The following TBC1D23 variants were observed in gnomAD, a reference collection of about 807,000 sequenced individuals.
The protein encoded by TBC1D23 is TBC1 domain family member 23, also known as HCV non-structural protein 4A-transactivated protein 1.
Under a neutral mutation model 91.4 loss-of-function variants are expected in TBC1D23, and 55 were observed. That is an observed-to-expected ratio of 0.60 (90% CI 0.48 to 0.75). TBC1D23 has a LOEUF of 0.75. Among genes scored for constraint, TBC1D23 ranks in the 30% least tolerant of loss-of-function variants. TBC1D23 has a pLI of 0.00. For synonymous variants in TBC1D23, 289 were observed against 281.0 expected (o/e 1.03, Z -0.28); for missense variants, 725 against 836.1 (o/e 0.87, Z 1.64).
At chr3:100,321,219 A>C (rs1705852912) in intron 18 of TBC1D23, among the ~76,000 whole-genome samples, 1 of 152,284 alleles carries the variant, frequency 6.6e-6, no homozygotes, top group South Asian at 2.1e-4. Flanking sequence ...CCTTATTGTT[A>C]ATCTGTACCA....
chr3:100,305,482 GA>G (rs1417050303), intron 12 of TBC1D23, among the ~76,000 whole-genome samples: 2 of 152,046 alleles, frequency 1.3e-5, no homozygotes, highest in African/African-American at 4.8e-5. Flanking sequence ...TCTTACATTA[GA>G]AAAAGAGATA....
chr3:100,280,414 A>G (rs1328580248), intron 2 of TBC1D23, among the ~76,000 whole-genome samples: 1 of 152,172 alleles, frequency 6.6e-6, no homozygotes, highest in African/African-American at 2.4e-5. Flanking sequence ...CTATTCAGCT[A>G]TTCTACAGTT....
At chr3:100,272,884 C>G (rs1039176572) in intron 1 of TBC1D23, among the ~76,000 whole-genome samples, 2 of 150,040 alleles carry the variant, frequency 1.3e-5, no homozygotes, top group Non-Finnish European at 1.5e-5. Flanking sequence ...AGCCCTAAGG[C>G]GGTTTTCCCC....
chr3:100,287,599 C>T (rs754012664), intron 4 of TBC1D23, among the ~76,000 whole-genome samples: 2 of 152,078 alleles, frequency 1.3e-5, no homozygotes, highest in Non-Finnish European at 2.9e-5. Context: ...GGTAGTCATA[C>T]CAGTATGAAT....
At chr3:100,290,249 G>C (rs763837882) in intron 4 of TBC1D23, among the ~76,000 whole-genome samples, 3 of 152,156 alleles carry the variant, frequency 2.0e-5, no homozygotes, top group Non-Finnish European at 2.9e-5. Flanking sequence ...TTTTTTGGCA[G>C]AGAAGGAAGG....
At position 100,296,222 on chromosome 3, in the gene TBC1D23, C is replaced by A; in HGVS notation, c.823C>A (p.Leu275Ile). The A allele has an allele frequency of 6.2e-7, 1 of 1,608,872 alleles. No individual in the cohort carries two copies. The highest frequency in any genetic ancestry group is 1.1e-5 in the South Asian group (1 of 89,982). Reference protein sequence around the residue: ...SSLNIEDIEDLFSLAQYYCSK... With the variant: ...SSLNIEDIEDIFSLAQYYCSK... ...TCTGAATATAGAAGATATAGAAGAC[C>A]TTTTCTCTCTGGCTCAGTATTATTG... The change falls in exon 8 of 19, where the codon CTT becomes ATT. Residue 275 changes from leucine to isoleucine, a missense_variant. Transcript: ENST00000394144.
At chr3:100,310,028 A>T (rs979256011) in intron 13 of TBC1D23, among the ~76,000 whole-genome samples, 5 of 152,204 alleles carry the variant, frequency 3.3e-5, no homozygotes, top group South Asian at 2.1e-4. Context: ...ACTGTTCTGG[A>T]GGCTAAAAGT....
At chr3:100,306,183 A>G (rs560231340) in intron 12 of TBC1D23, among the ~76,000 whole-genome samples, 1 of 152,342 alleles carries the variant, frequency 6.6e-6, no homozygotes, top group South Asian at 2.1e-4. Context: ...TAAAGCCTAT[A>G]CAGTTATCAT....
Position 100,302,199 on chromosome 3 carries a change from G to C in TBC1D23, c.1225G>C (p.Asp409His). The change falls in exon 11 of 19, where the codon GAC (aspartate) becomes CAC (histidine). Residue 409 changes from aspartate (D) to histidine (H), a missense_variant. Coordinates refer to ENST00000394144, the MANE Select transcript of TBC1D23 (RefSeq NM_001199198.3). Reference sequence around the variant, plus strand: ...TATGGGCAGTGGCAGGGAGGAAGAAGACATGTATATGAACATGGTCCTGGC... The same window carrying C: ...TATGGGCAGTGGCAGGGAGGAAGAACACATGTATATGAACATGGTCCTGGC... The part of the protein sequence containing the change: ...CFMGSGREEE[D>H]MYMNMVLAHF... 3.1e-6 allele frequency: 5 copies of C among 1,614,016 alleles called. No homozygotes were observed. The highest frequency in any genetic ancestry group is 4.2e-6 in the Non-Finnish European group (5 of 1,179,960).
intron 1 of TBC1D23, among the ~76,000 whole-genome samples, chr3:100,272,296 G>A (rs552683226): frequency 6.6e-6 from 1 of 152,156 alleles, no homozygotes; most frequent in Non-Finnish European, 1.5e-5. Context: ...ATTCTGTAAA[G>A]TATCCTTTCT....
rs138729492 is a variant in TBC1D23, at chr3:100,313,190, A to G, written c.1598+1313A>G. Among the ~76,000 whole-genome samples, 712 of 152,252 alleles carry G rather than the reference A, an allele frequency of 4.7e-3. 2 individuals are homozygous for G. Among genetic ancestry groups the G allele is most frequent in the Non-Finnish European group, 6.4e-3 (432 of 68,010 alleles). On this transcript the variant is annotated intron_variant, in intron 15 of 18. Coordinates refer to ENST00000394144, the MANE Select transcript of TBC1D23 (RefSeq NM_001199198.3). The stretch of plus-strand genomic sequence containing the variant: ...GTTTTAAAATTACAATCTATTTGTG[A>G]ATCATCCTTTCCATTTTCTTCTGTT...
Position 100,295,341 on chromosome 3 carries a change from A to C in TBC1D23, c.765A>C (p.Glu255Asp). The C allele has an allele frequency of 6.2e-7, 1 of 1,608,012 alleles. No homozygotes were observed. Residue 255 changes from glutamate to aspartate, a missense_variant, in exon 7 of 19, where the codon GAA becomes GAC. Coordinates refer to ENST00000394144, the MANE Select transcript of TBC1D23 (RefSeq NM_001199198.3). The stretch of plus-strand genomic sequence containing the variant: ...CACAAGAGTCAGACAGCAAAGAAGA[A>C]GTTATCAGTAAGTATCATTTAATGT... ...ILTQESDSKE[E>D]VIKFLENTPS...
At chr3:100,278,857 T>C (rs1223901965) in intron 1 of TBC1D23, among the ~76,000 whole-genome samples, 1 of 152,258 alleles carries the variant, frequency 6.6e-6, no homozygotes, top group Non-Finnish European at 1.5e-5. Flanking sequence ...TGTGATATTA[T>C]TCTTTTGCTT....
rs770929142 is a variant in TBC1D23, at chr3:100,298,032, A to G, written c.986A>G (p.Asn329Ser). The change falls in exon 9 of 19, where the codon AAT (asparagine) becomes AGT (serine). Residue 329 changes from asparagine to serine, a missense_variant. Coordinates refer to ENST00000394144, the MANE Select transcript of TBC1D23 (RefSeq NM_001199198.3). ...TCCGTGTCAGAGATCCTTCAAGCGAATCAGCTACAAGGGGTAAGTAAAGGA... is the reference window on the plus strand; with the variant it reads ...TCCGTGTCAGAGATCCTTCAAGCGAGTCAGCTACAAGGGGTAAGTAAAGGA... ...AISVSEILQA[N>S]QLQGEGVRFF... 1.2e-6 allele frequency: 2 copies of G among 1,613,542 alleles called. No individual in the cohort carries two copies. The highest frequency in any genetic ancestry group is 4.5e-5 in the East Asian group (2 of 44,838).
chr3:100,305,451 A>G (rs1705500143), intron 12 of TBC1D23, among the ~76,000 whole-genome samples: 1 of 152,098 alleles, frequency 6.6e-6, no homozygotes, highest in Non-Finnish European at 1.5e-5. Context: ...TAAAAGAGTA[A>G]TAAGATTTTA....
intron 17 of TBC1D23, among the ~76,000 whole-genome samples, chr3:100,319,585 C>T (rs1289135868): frequency 6.6e-6 from 1 of 152,130 alleles, no homozygotes; most frequent in African/African-American, 2.4e-5. Context: ...TGCGCCACCA[C>T]CCCCGGCTAA....
At chr3:100,263,652 G>T (rs570611237) in intron 1 of TBC1D23, among the ~76,000 whole-genome samples, 18 of 152,340 alleles carry the variant, frequency 1.2e-4, no homozygotes, top group African/African-American at 4.3e-4. Context: ...CACCTTTTAA[G>T]AATCAGTGAC....
chr3:100,298,998 A>G (rs890290467), intron 9 of TBC1D23, among the ~76,000 whole-genome samples: 2 of 152,210 alleles, frequency 1.3e-5, no homozygotes, highest in Non-Finnish European at 2.9e-5. Context: ...CCTTCTATGT[A>G]TTTTAAGACT....
Position 100,269,791 on chromosome 3 carries a change from C to T in TBC1D23, c.53+8720C>T, listed in dbSNP as rs144839040. ...AAGCTTTGGTGCTGATGTCTCATTC[C>T]CTGGGCATTAAGAAACCCCCAGAAA... On this transcript the variant is annotated intron_variant, in intron 1 of 18. Transcript: ENST00000394144. 4.7e-3 allele frequency among the ~76,000 whole-genome samples: 710 copies of T among 152,276 alleles called. 2 individuals carry two copies. Among genetic ancestry groups the T allele is most frequent in the Non-Finnish European group, 6.3e-3 (431 of 68,016 alleles).
Sources: gnomAD v4.1 joint callset for allele counts (sites outside exome capture counted in the v4.1 genomes callset) on GRCh38, gnomAD v4.1.1 for gene constraint, MANE v1.5 for transcripts, NCBI Gene and HGNC (gene_info 2026-07-23, HGNC 2026-07-21) for gene names.